The following LRRC7 variants were observed in gnomAD, a reference collection of about 807,000 sequenced individuals.
The protein encoded by LRRC7 is leucine rich repeat containing 7, also known as leucine-rich repeat-containing protein 7.
Under a neutral mutation model 175.7 loss-of-function variants are expected in LRRC7, and 23 were observed. That is an observed-to-expected ratio of 0.13 (90% CI 0.09 to 0.19). LRRC7 has a LOEUF of 0.19. Ranked by LOEUF, LRRC7 falls within the 10% of genes least tolerant of loss-of-function variation. LRRC7 has a pLI of 1.00. For missense variants in LRRC7, 1,354 were observed against 1,904.7 expected (o/e 0.71, Z 5.38); for synonymous variants, 685 against 680.9 (o/e 1.01, Z -0.09).
rs139517040 is a variant in LRRC7 at position 70,010,499 on chromosome 1, G to A, written c.1005-1298G>A. ...AGCATCACTTGAACCCAGGAAGTGG[G>A]GGTTGCAGTGAGCTGAGTTTGTGCC... is the stretch of plus-strand genomic sequence containing the variant. On this transcript the variant is annotated intron_variant, in intron 11 of 26. Coordinates refer to ENST00000651989, the MANE Select transcript of LRRC7 (RefSeq NM_001370785.2). 2.6e-3 allele frequency among the ~76,000 whole-genome samples: 402 copies of A among 152,112 alleles called. 5 individuals carry two copies. Among genetic ancestry groups the A allele is most frequent in the African/African-American group, 9.1e-3 (376 of 41,500 alleles).
intron 2 of LRRC7, among the ~76,000 whole-genome samples, chr1:69,683,152 G>T (rs1660708086): frequency 6.6e-6 from 1 of 152,168 alleles, no homozygotes; most frequent in Admixed American, 6.5e-5. Flanking sequence ...AATGAGTGGT[G>T]CTGTTAATCA....
At chr1:69,924,581 C>T (rs1380796502) in intron 7 of LRRC7, among the ~76,000 whole-genome samples, 1 of 152,124 alleles carries the variant, frequency 6.6e-6, no homozygotes, top group East Asian at 1.9e-4. Flanking sequence ...GGAGTTCACT[C>T]ATGATTTGGC....
chr1:69,881,552 A>T (rs1440165358), intron 7 of LRRC7, among the ~76,000 whole-genome samples: 1 of 152,126 alleles, frequency 6.6e-6, no homozygotes, highest in Admixed American at 6.6e-5. Flanking sequence ...TCAAACAAAA[A>T]GGTTTTTACA....
chr1:69,923,545 G>C (rs1341634805), intron 7 of LRRC7, among the ~76,000 whole-genome samples: 1 of 152,010 alleles, frequency 6.6e-6, no homozygotes, highest in East Asian at 1.9e-4. Flanking sequence ...TTGTGGTTTT[G>C]ATTTGCATTT....
At chr1:69,690,556 G>A (rs190508758) in intron 2 of LRRC7, among the ~76,000 whole-genome samples, 1 of 152,232 alleles carries the variant, frequency 6.6e-6, no homozygotes, top group African/African-American at 2.4e-5. Flanking sequence ...TTTCGTATTA[G>A]CAGTAACTAT....
intron 11 of LRRC7, among the ~76,000 whole-genome samples, chr1:70,008,195 G>C (rs774318094): frequency 5.3e-5 from 8 of 152,100 alleles, no homozygotes; most frequent in Non-Finnish European, 8.8e-5. Context: ...GTAGGCTGGG[G>C]GGCTAGGCCC....
At chr1:69,768,662 G>A (rs1296129534) in intron 3 of LRRC7, among the ~76,000 whole-genome samples, 1 of 152,156 alleles carries the variant, frequency 6.6e-6, no homozygotes, top group African/African-American at 2.4e-5. Context: ...AGGAAGGAAG[G>A]GGAAAGTTAG....
chr1:69,754,083 G>A (rs551913663), intron 2 of LRRC7, among the ~76,000 whole-genome samples: 1 of 152,012 alleles, frequency 6.6e-6, no homozygotes, highest in Non-Finnish European at 1.5e-5. Flanking sequence ...GTGCAATGGG[G>A]CTGGGTGTGA....
intron 2 of LRRC7, among the ~76,000 whole-genome samples, chr1:69,702,530 C>T (rs1371033969): frequency 3.9e-5 from 6 of 151,914 alleles, no homozygotes; most frequent in Non-Finnish European, 5.9e-5. Context: ...TTTTTTCTCT[C>T]TTTGGCCAAA....
At position 70,133,809 on chromosome 1, in the gene LRRC7, T is replaced by C. The variant is rs889834763; in HGVS notation, c.*11922T>C. Among the ~76,000 whole-genome samples the C allele has an allele frequency of 6.6e-6, 1 of 152,204 alleles. No individual in the cohort carries two copies. The highest frequency in any genetic ancestry group is 1.5e-5 in the Non-Finnish European group (1 of 68,028). ...TTTAATAGTTCTTCTCTAACTTGTGTTTTCCAAATATTTTGCTCCTATCTC... is the reference window on the plus strand; with the variant it reads ...TTTAATAGTTCTTCTCTAACTTGTGCTTTCCAAATATTTTGCTCCTATCTC... On this transcript the variant is annotated 3_prime_UTR_variant, in exon 27 of 27. Coordinates refer to ENST00000651989, the MANE Select transcript of LRRC7 (RefSeq NM_001370785.2).
intron 7 of LRRC7, among the ~76,000 whole-genome samples, chr1:69,856,119 A>G (rs1162830656): frequency 6.6e-6 from 1 of 152,144 alleles, no homozygotes; most frequent in Non-Finnish European, 1.5e-5. Context: ...CATTTAGCCC[A>G]TTTACATTTA....
chr1:69,758,275 G>A (rs1424692535), intron 2 of LRRC7, among the ~76,000 whole-genome samples: 2 of 151,988 alleles, frequency 1.3e-5, no homozygotes, highest in Admixed American at 1.3e-4. Flanking sequence ...ACAGGAGTTG[G>A]AGAGACAGAA....
chr1:69,829,983 G>A (rs17131037), intron 5 of LRRC7, among the ~76,000 whole-genome samples: 14,183 of 151,686 alleles, frequency 0.094, 1,537 homozygotes, highest in African/African-American at 0.27. Flanking sequence ...AATGGGAAAA[G>A]CAAGAACTAA....
chr1:70,136,601 G>T lies in LRRC7; in HGVS notation c.*14714G>T, dbSNP rs1053517530. On this transcript the variant is annotated 3_prime_UTR_variant, in exon 27 of 27. Transcript: ENST00000651989. ...AGTCTAGTGGGGAGACACACAAAAA[G>T]TCTAATAAATGCTATCGTGTAGGTA... Among the ~76,000 whole-genome samples, 1 of 151,460 alleles carries T rather than the reference G, an allele frequency of 6.6e-6. No individual in the cohort carries two copies. Among genetic ancestry groups the T allele is most frequent in the Non-Finnish European group, 1.5e-5 (1 of 67,876 alleles).
At chr1:70,017,013 T>G (rs780672581) in intron 14 of LRRC7, among the ~76,000 whole-genome samples, 8 of 152,076 alleles carry the variant, frequency 5.3e-5, no homozygotes, top group Admixed American at 1.3e-4. Context: ...GCGCGGTGGC[T>G]CATGCTGTAA....
chr1:70,121,921 C>G lies in LRRC7; in HGVS notation c.*34C>G. 2 of 1,433,022 alleles carry G rather than the reference C, an allele frequency of 1.4e-6. No individual in the cohort carries two copies. The highest frequency in any genetic ancestry group is 1.9e-6 in the Non-Finnish European group (2 of 1,030,366). The allele number at this position is 1,433,022 out of a possible 1,614,324, so 88.8% of individuals were successfully genotyped here. ...TATAAATAGTGAAGATACGTCTAGC[C>G]AGACCTAATGTTCAAAAATAAATTT... On this transcript the variant is annotated 3_prime_UTR_variant, in exon 27 of 27. Transcript: ENST00000651989.
chr1:69,734,743 T>G (rs1045835543), intron 2 of LRRC7, among the ~76,000 whole-genome samples: 2 of 151,960 alleles, frequency 1.3e-5, no homozygotes, highest in African/African-American at 2.4e-5. Context: ...ATTTCTTTAC[T>G]TCCTGTTTCT....
intron 7 of LRRC7, among the ~76,000 whole-genome samples, chr1:69,899,499 A>G (rs535730411): frequency 6.6e-6 from 1 of 152,246 alleles, no homozygotes. Context: ...GTAACTCAGG[A>G]TTCAGCAAAT....
intron 4 of LRRC7, among the ~76,000 whole-genome samples, chr1:69,824,194 G>A (rs1679629282): frequency 6.6e-6 from 1 of 152,114 alleles, no homozygotes; most frequent in Admixed American, 6.6e-5. Context: ...AAGGCATCAT[G>A]TATAGCAGCA....
Sources: allele counts gnomAD v4.1 joint callset (sites outside exome capture counted in the v4.1 genomes callset), GRCh38; gene constraint gnomAD v4.1.1; transcripts MANE v1.5; gene names NCBI Gene and HGNC (gene_info 2026-07-23, HGNC 2026-07-21).